PPP1R12C: variants seen among roughly 807,000 people sequenced by gnomAD.
The protein encoded by PPP1R12C is protein phosphatase 1 regulatory subunit 12C.
A neutral mutation model predicts 95.6 loss-of-function variants in PPP1R12C; 48 were observed. The observed-to-expected ratio is 0.50, with a 90% CI of 0.40 to 0.64. The LOEUF (loss-of-function observed/expected upper bound fraction) is 0.64. Ranked by LOEUF, PPP1R12C falls within the 30% of genes least tolerant of loss-of-function variation. The pLI, the probability that PPP1R12C is intolerant of heterozygous loss-of-function variation, is 0.00. For synonymous variants in PPP1R12C, 480 were observed against 460.8 expected (o/e 1.04, Z -0.53); for missense variants, 1,057 against 1,083.3 (o/e 0.98, Z 0.34).
Position 55,113,262 on chromosome 19 carries a change from AC to A in PPP1R12C, c.322-468del. The A allele has an allele frequency of 4.6e-6, 3 of 659,244 alleles. No individual in the cohort carries two copies. The South Asian group carries it at 1.1e-4, about 23-fold the overall frequency. 40.8% of individuals were successfully genotyped at this position (659,244 alleles called of 1,614,324 possible). On this transcript the variant is annotated intron_variant, in intron 1 of 21. Transcript: ENST00000263433. ...CTTCCAAGGGTCAAGCTCGGAAACCACCCCAGCAGATACTCTGCAGGAACGA... is the reference window on the plus strand; with the variant it reads ...CTTCCAAGGGTCAAGCTCGGAAACCACCCAGCAGATACTCTGCAGGAACGA...
Position 55,117,415 on chromosome 19 carries a change from G to T in PPP1R12C, c.129C>A (p.Arg43=). The change falls in exon 1 of 22, where the codon CGC becomes CGA. Residue 43 remains arginine, a synonymous_variant. Coordinates refer to ENST00000263433, the MANE Select transcript of PPP1R12C (RefSeq NM_017607.4). The part of the protein sequence containing the change: ...AGAEPGPGER[R]ARTVRFERAA... ...CGCGCTCGAAGCGGACGGTGCGGGCGCGGCGCTCTCCGGGGCCAGGCTCGG... is the reference window on the plus strand; with the variant it reads ...CGCGCTCGAAGCGGACGGTGCGGGCTCGGCGCTCTCCGGGGCCAGGCTCGG... The T allele has an allele frequency of 9.8e-7, 1 of 1,019,230 alleles. No homozygotes were observed. Among genetic ancestry groups the T allele is most frequent in the Non-Finnish European group, 1.2e-6 (1 of 854,262 alleles). The allele number at this position is 1,019,230 out of a possible 1,614,324, so 63.1% of individuals were successfully genotyped here.
intron 9 of PPP1R12C, 102 bp from the exon 10 acceptor site, chr19:55,095,705 C>T: frequency 6.6e-7 from 1 of 1,506,364 alleles, no homozygotes; most frequent in Non-Finnish European, 9.0e-7. Context: ...TTCCCATCAG[C>T]CCCCGGGGCA....
chr19:55,112,706 T>G lies in PPP1R12C; in HGVS notation c.411A>C (p.Pro137=). 6.2e-7 allele frequency: 1 copy of G among 1,613,812 alleles called. No individual in the cohort carries two copies. The highest frequency in any genetic ancestry group is 8.5e-7 in the Non-Finnish European group (1 of 1,179,964). ...AGCCACAGGAGGCGGCCACGTGCAG[T>G]GGCGTCCAGCCCTCGTTGTCTGCCT... The part of the protein sequence containing the change: ...VNQADNEGWT[P]LHVAASCGYL... The change falls in exon 2 of 22, where the codon CCA becomes CCC. Residue 137 remains proline (P), a synonymous_variant. Coordinates refer to ENST00000263433, the MANE Select transcript of PPP1R12C (RefSeq NM_017607.4).
intron 6 of PPP1R12C, among the ~76,000 whole-genome samples, chr19:55,097,438 T>C (rs369762957): frequency 0.023 from 2,714 of 119,958 alleles, 92 homozygotes; most frequent in East Asian, 0.08. Flanking sequence ...ACCACCGTCT[T>C]CGCCCCTTCT....
intron 4 of PPP1R12C, among the ~76,000 whole-genome samples, chr19:55,102,439 G>C (rs2147195905): frequency 6.6e-6 from 1 of 152,358 alleles, no homozygotes; most frequent in South Asian, 2.1e-4. Flanking sequence ...TTGAACCCAG[G>C]AGGTGGAGGT....
intron 1 of PPP1R12C, chr19:55,113,753 G>T (rs1208171209): frequency 2.4e-6 from 1 of 408,882 alleles, no homozygotes; most frequent in Non-Finnish European, 4.0e-6. Flanking sequence ...GGCTGTGAAG[G>T]GGCCGCACGT....
intron 3 of PPP1R12C, among the ~76,000 whole-genome samples, chr19:55,110,119 G>A (rs1261631224): frequency 1.3e-5 from 2 of 152,134 alleles, no homozygotes; most frequent in Non-Finnish European, 2.9e-5. Context: ...CAGACCCCCT[G>A]GAGGCCATTC....
intron 12 of PPP1R12C, 73 bp downstream of exon 12, chr19:55,094,588 C>T: frequency 6.5e-7 from 1 of 1,527,348 alleles, no homozygotes; most frequent in Non-Finnish European, 8.8e-7. Flanking sequence ...ACCCAAAGCC[C>T]CGGGACTCCT....
rs968063862 is a variant in PPP1R12C, at chr19:55,104,698, C to CA, written c.572-1131dup. 5.5e-3 allele frequency among the ~76,000 whole-genome samples: 573 copies of CA among 103,656 alleles called. 3 individuals carry two copies. Among genetic ancestry groups the CA allele is most frequent in the African/African-American group, 0.012 (349 of 27,994 alleles). 68.0% of individuals were successfully genotyped at this position (103,656 alleles called of 152,430 possible). Reference sequence around the variant, plus strand: ...GGGTGATAGAGTGAGACTCCGTCTCCAAAAAAAAAAAAAATTATATTGGTA... The same window carrying CA: ...GGGTGATAGAGTGAGACTCCGTCTCCAAAAAAAAAAAAAAATTATATTGGTA... On this transcript the variant is annotated intron_variant, in intron 3 of 21. Transcript: ENST00000263433.
chr19:55,092,250 A>T lies in PPP1R12C; in HGVS notation c.2132T>A (p.Leu711His), dbSNP rs1307339264. Residue 711 changes from leucine (L) to histidine (H), a missense_variant, in exon 19 of 22, where the codon CTC becomes CAC. Leu to His is a moderately conservative substitution (Grantham distance 99, BLOSUM62 -3). Transcript: ENST00000263433. ...CGTGGCCCGCTCCAGCTCCACCTTG[A>T]GCTGCGCCAGCCGCAGCGTGGTCTC... ...LTETTLRLAQ[L>H]KVELERATQR... The T allele has an allele frequency of 2.5e-6, 4 of 1,587,598 alleles. No homozygotes were observed. The highest frequency in any genetic ancestry group is 3.4e-6 in the Non-Finnish European group (4 of 1,168,522).
intron 3 of PPP1R12C, among the ~76,000 whole-genome samples, chr19:55,105,435 C>T (rs2085027855): frequency 6.6e-6 from 1 of 152,110 alleles, no homozygotes; most frequent in Non-Finnish European, 1.5e-5. Flanking sequence ...GCCCAGGGGT[C>T]AGAAAGCTAT....
chr19:55,111,232 G>A (rs954982083), intron 3 of PPP1R12C: 2 of 152,006 alleles, frequency 1.3e-5, no homozygotes, highest in East Asian at 1.9e-4. Context: ...TACAACCAAT[G>A]TGGTCATAAA....
intron 4 of PPP1R12C, among the ~76,000 whole-genome samples, chr19:55,100,800 G>A (rs1305989814): frequency 1.3e-5 from 2 of 152,162 alleles, no homozygotes; most frequent in East Asian, 2.0e-4. Flanking sequence ...TTTTAATAGC[G>A]ACGGGGTTTC....
At chr19:55,098,326 G>A (rs970248670) in intron 6 of PPP1R12C, among the ~76,000 whole-genome samples, 1 of 152,226 alleles carries the variant, frequency 6.6e-6, no homozygotes, top group South Asian at 2.1e-4. Context: ...TGGCAGAGCC[G>A]GGATTCCAAC....
At chr19:55,099,423 T>C (rs1413869738) in intron 4 of PPP1R12C, among the ~76,000 whole-genome samples, 3 of 152,138 alleles carry the variant, frequency 2.0e-5, no homozygotes, top group Non-Finnish European at 2.9e-5. Context: ...CTCCGGAGGA[T>C]GCAAGTGCAG....
At chr19:55,098,917 C>T (rs1411269556) in intron 5 of PPP1R12C, 34 bp downstream of exon 5, 7 of 1,605,974 alleles carry the variant, frequency 4.4e-6, no homozygotes, top group South Asian at 1.1e-5. Flanking sequence ...CTCCCCACGC[C>T]CTGCCCCTCA....
At chr19:55,092,171 C>G in intron 19 of PPP1R12C, 51 bp downstream of exon 19, 1 of 1,482,938 alleles carries the variant, frequency 6.7e-7, no homozygotes, top group East Asian at 2.5e-5. Context: ...AGTCTAAGCC[C>G]CACCCAGGCG....
chr19:55,093,095 G>A lies in PPP1R12C; in HGVS notation c.1765-19C>T, dbSNP rs757702638. 18 of 1,593,034 alleles carry A rather than the reference G, an allele frequency of 1.1e-5. No homozygotes were observed. The highest frequency in any genetic ancestry group is 2.2e-5 in the East Asian group (1 of 44,854). ...AAGGGTCCTGTCGGGAGGGGGAGGC[G>A]AGTCAGGGAAGCAGGACATCCCGCA... On this transcript the variant is annotated intron_variant, in intron 14 of 21. Transcript: ENST00000263433.
Position 55,094,420 on chromosome 19 carries a change from A to C in PPP1R12C, c.1608T>G (p.Pro536=), listed in dbSNP as rs141958744. ...GGGATTCCGACTCCTCATCCCGCAC[A>C]GGCATCTGGTAGGACCTGAGGGAAG... is the stretch of plus-strand genomic sequence containing the variant. ...SRDRRRSYQM[P]VRDEESESQR... is the part of the protein sequence containing the mutation. The change falls in exon 13 of 22, where the codon CCT becomes CCG. Residue 536 remains proline (P), a synonymous_variant. Transcript: ENST00000263433. 158 of 1,613,718 alleles carry C rather than the reference A, an allele frequency of 9.8e-5. 1 individual carries two copies. The highest frequency in any genetic ancestry group is 6.2e-4 in the East Asian group (28 of 44,844).
Sources: allele counts gnomAD v4.1 joint callset (sites outside exome capture counted in the v4.1 genomes callset), GRCh38; gene constraint gnomAD v4.1.1; transcripts MANE v1.5; gene names NCBI Gene and HGNC (gene_info 2026-07-23, HGNC 2026-07-21).